The following NCL variants were observed in gnomAD, a reference collection of about 807,000 sequenced individuals.
The protein encoded by NCL is nucleolin multifunctional protein.
A neutral mutation model predicts 77.7 loss-of-function variants in NCL; 4 were observed. That is an observed-to-expected ratio of 0.05 (90% CI 0.03 to 0.12). NCL has a LOEUF of 0.12. NCL is among the 10% of genes least tolerant of loss of function. The pLI, the probability that NCL is intolerant of heterozygous loss-of-function variation, is 1.00. For synonymous variants in NCL, 344 were observed against 297.8 expected (o/e 1.16, Z -1.60); for missense variants, 763 against 860.9 (o/e 0.89, Z 1.42).
At chr2:231,456,971 A>AT (rs753209797) in intron 10 of NCL, 30 bp downstream of exon 10, 1 of 1,612,432 alleles carries the variant, frequency 6.2e-7, no homozygotes, top group South Asian at 1.1e-5. Flanking sequence ...TATATAGCCT[A>AT]TAACTGATGA....
Position 231,464,324 on chromosome 2 carries a change from A to G in NCL, c.18+12T>C. 6.3e-7 allele frequency: 1 copy of G among 1,591,588 alleles called. No individual in the cohort carries two copies. Among genetic ancestry groups the G allele is most frequent in the Non-Finnish European group, 8.6e-7 (1 of 1,168,874 alleles). On this transcript the variant is annotated intron_variant, in intron 1 of 13. Coordinates refer to ENST00000322723, the MANE Select transcript of NCL (RefSeq NM_005381.3). Reference sequence around the variant, plus strand: ...GGCCTACACGTCTGCGCTCGCGCTCAAGGCCGTTTACCTTCGCGAGCTTCA... The same window carrying G: ...GGCCTACACGTCTGCGCTCGCGCTCGAGGCCGTTTACCTTCGCGAGCTTCA...
intron 7 of NCL, 89 bp downstream of exon 7, chr2:231,458,912 G>A: frequency 7.5e-7 from 1 of 1,327,536 alleles, no homozygotes; most frequent in Admixed American, 2.8e-5. Flanking sequence ...AAAAAAATAA[G>A]AGGAAACCAA....
chr2:231,462,391 G>A (rs1311598791), intron 2 of NCL: 3 of 381,584 alleles, frequency 7.9e-6, no homozygotes, highest in South Asian at 2.0e-5. Flanking sequence ...ACACATAGGA[G>A]GCTCCAAGCA....
At chr2:231,457,264 T>C in intron 9 of NCL, 140 bp from the exon 10 acceptor site, 1 of 1,217,298 alleles carries the variant, frequency 8.2e-7, no homozygotes, top group East Asian at 2.4e-5. Flanking sequence ...AATCCATTTC[T>C]GTTACTCAAC....
rs1182994519 is a variant in NCL, at chr2:231,454,613, A to T, written c.*578T>A. On this transcript the variant is annotated 3_prime_UTR_variant, in exon 14 of 14. Coordinates refer to ENST00000322723, the MANE Select transcript of NCL (RefSeq NM_005381.3). The stretch of plus-strand genomic sequence containing the variant: ...AGGTCCCCTCACCAGCATTTCAACC[A>T]AGTTAGTTAGGGCTGGGATACTGGA... 6.5e-6 allele frequency: 1 copy of T among 153,136 alleles called. No homozygotes were observed. The highest frequency in any genetic ancestry group is 2.4e-5 in the African/African-American group (1 of 41,416). 9.5% of individuals were successfully genotyped at this position (153,136 alleles called of 1,614,324 possible).
At chr2:231,458,451 C>A in intron 7 of NCL, 62 bp from the exon 8 acceptor site, 2 of 1,572,472 alleles carry the variant, frequency 1.3e-6, no homozygotes, top group Non-Finnish European at 8.6e-7. Flanking sequence ...GGGGCAACAA[C>A]AAAAAGAGGG....
At position 231,461,844 on chromosome 2, in the gene NCL, T is replaced by C. The variant is rs755636667; in HGVS notation, c.309A>G (p.Ala103=). 6.2e-6 allele frequency: 10 copies of C among 1,613,434 alleles called. No homozygotes were observed. The Admixed American group carries it at 1.0e-4, about 16-fold the overall frequency. ...PAKKTVTPAK[A]VTTPGKKGAT... is the part of the protein sequence containing the mutation. ...CTCCCTTCTTGCCAGGTGTGGTAAC[T>C]GCTTTGGCTGGTGTAACTGTCTTCT... The change falls in exon 3 of 14, where the codon GCA becomes GCG. Residue 103 remains alanine (A), a synonymous_variant. Coordinates refer to ENST00000322723, the MANE Select transcript of NCL (RefSeq NM_005381.3).
At chr2:231,458,694 T>C (rs561215000) in intron 7 of NCL, 2 of 425,674 alleles carry the variant, frequency 4.7e-6, no homozygotes, top group Non-Finnish European at 8.3e-6. Flanking sequence ...AGGGAGTAAT[T>C]AGGGACCTAA....
At chr2:231,463,059 G>A (rs1002010858) in intron 2 of NCL, 141 bp downstream of exon 2, 46 of 658,174 alleles carry the variant, frequency 7.0e-5, no homozygotes, top group Middle Eastern at 4.2e-4. Flanking sequence ...ACATGTCAAT[G>A]AAGAGCTTGT....
Position 231,458,975 on chromosome 2 carries a change from G to C in NCL, c.1165+26C>G, listed in dbSNP as rs1311175012. The C allele has an allele frequency of 2.6e-6, 4 of 1,539,252 alleles. No individual in the cohort carries two copies. The South Asian group carries it at 3.8e-5, about 15-fold the overall frequency. On this transcript the variant is annotated intron_variant, in intron 7 of 13. Transcript: ENST00000322723. ...TAGCAGTCTAGCTCCTGAGTTCATT[G>C]CATAATCTCATAAAGCCTTACATAC...
At chr2:231,458,708 A>T (rs1285869276) in intron 7 of NCL, 1 of 422,044 alleles carries the variant, frequency 2.4e-6, no homozygotes, top group African/African-American at 2.0e-5. Context: ...GACCTAATCT[A>T]GTTTCAGTGA....
chr2:231,456,580 A>C lies in NCL; in HGVS notation c.1705+51T>G, dbSNP rs769794980. 11 of 1,610,284 alleles carry C rather than the reference A, an allele frequency of 6.8e-6. No individual in the cohort carries two copies. The Admixed American group carries it at 1.7e-4, about 24-fold the overall frequency. ...CAGAATTTGTGCAAAAAATAAACAAAGCACCGAGAGTGCTACCCCCAACCA... is the reference window on the plus strand; with the variant it reads ...CAGAATTTGTGCAAAAAATAAACAACGCACCGAGAGTGCTACCCCCAACCA... On this transcript the variant is annotated intron_variant, in intron 11 of 13. Transcript: ENST00000322723.
intron 8 of NCL, 133 bp from the exon 9 acceptor site, chr2:231,457,933 A>C (rs1292351803): frequency 2.3e-6 from 2 of 871,878 alleles, no homozygotes; most frequent in African/African-American, 3.5e-5. Context: ...TTTCAATCAA[A>C]ACTCGAGCTT....
rs2046956094 is a variant in NCL, at chr2:231,461,911, G to A, written c.242C>T (p.Ala81Val). 1.2e-6 allele frequency: 2 copies of A among 1,614,084 alleles called. No homozygotes were observed. Among genetic ancestry groups the A allele is most frequent in the South Asian group, 1.1e-5 (1 of 91,086 alleles). The part of the protein sequence containing the change: ...KVAVATPAKK[A>V]AVTPGKKAAA... ...TGCCTTTTTGCCTGGAGTGACAGCT[G>A]CTTTCTTGGCTGGTGTGGCAACTGC... is the stretch of plus-strand genomic sequence containing the variant. Residue 81 changes from alanine (A) to valine (V), a missense_variant, in exon 3 of 14, where the codon GCA becomes GTA. Around this residue, in one of 2 missense-constraint regions of NCL, gnomAD observed 590 missense variants for 570.5 expected, o/e 1.03. Transcript: ENST00000322723.
chr2:231,456,394 T>G (rs1022536173), intron 11 of NCL: 2 of 935,450 alleles, frequency 2.1e-6, no homozygotes, highest in African/African-American at 3.2e-5. Context: ...TGGGGCCCAG[T>G]GGATGGGGCA....
chr2:231,456,241 A>T lies in NCL; in HGVS notation c.1706-105T>A. ...CTAGCCAAGAATACTTGTTATAGTG[A>T]AAAAGCAGTTAAAAGCAACTAAGCC... On this transcript the variant is annotated intron_variant, in intron 11 of 13. Transcript: ENST00000322723. 6.8e-6 allele frequency: 10 copies of T among 1,462,820 alleles called. No individual in the cohort carries two copies. The South Asian group carries it at 1.3e-4, about 19-fold the overall frequency. 90.6% of individuals were successfully genotyped at this position (1,462,820 alleles called of 1,614,324 possible).
intron 2 of NCL, 65 bp from the exon 3 acceptor site, chr2:231,462,082 C>T: frequency 6.3e-7 from 1 of 1,578,594 alleles, no homozygotes; most frequent in Non-Finnish European, 8.7e-7. Flanking sequence ...AACCATGGTC[C>T]CAATGAGATG....
In NCL at chr2:231,455,946, T is replaced by C. The variant is rs553773439; in HGVS notation, c.1832+64A>G. 48 of 1,612,852 alleles carry C rather than the reference T, an allele frequency of 3.0e-5. No homozygotes were observed. In the South Asian group the frequency reaches 4.9e-4, roughly 17 times the overall value. On this transcript the variant is annotated intron_variant, in intron 12 of 13. Transcript: ENST00000322723. Reference sequence around the variant, plus strand: ...AGCTCAATGAGAAGACACATTAGACTCAAGGTCTGCACAGAACAAAAACCC... The same window carrying C: ...AGCTCAATGAGAAGACACATTAGACCCAAGGTCTGCACAGAACAAAAACCC...
chr2:231,460,990 C>T, intron 3 of NCL, 124 bp from the exon 4 acceptor site: 1 of 825,702 alleles, frequency 1.2e-6, no homozygotes, highest in Non-Finnish European at 2.0e-6. Flanking sequence ...AAGAATAGAT[C>T]ACTTGGGGCC....
Sources: allele counts gnomAD v4.1 joint callset, GRCh38; gene constraint gnomAD v4.1.1; regional missense constraint gnomAD v4.1.1; transcripts MANE v1.5; gene names NCBI Gene and HGNC (gene_info 2026-07-23, HGNC 2026-07-21).